The following TRMT2A variants were observed in gnomAD, a reference collection of about 807,000 sequenced individuals.
The protein encoded by TRMT2A is tRNA methyltransferase 2A.
Under a neutral mutation model 59.3 loss-of-function variants are expected in TRMT2A, and 60 were observed. That is an observed-to-expected ratio of 1.01 (90% CI 0.82 to 1.26). TRMT2A has a LOEUF of 1.26. Among genes scored for constraint, TRMT2A ranks in the 50% most tolerant of loss-of-function variants. The probability of loss-of-function intolerance (pLI) is 0.00; values close to 1 mark genes in which losing one functional copy is unlikely to be tolerated. For synonymous variants in TRMT2A, 403 were observed against 353.7 expected, an observed-to-expected ratio of 1.14 and a Z score of -1.56; for missense variants, 863 against 845.2, an observed-to-expected ratio of 1.02 and a Z score of -0.26.
intron 2 of TRMT2A, 124 bp from the exon 3 acceptor site, chr22:20,115,904 G>T: frequency 7.3e-7 from 1 of 1,373,806 alleles, no homozygotes; most frequent in Non-Finnish European, 9.9e-7. Context: ...CTGTGACGTG[G>T]GTGTCTTGCT....
At chr22:20,113,399 ATCCCC>A in intron 9 of TRMT2A, 28 bp downstream of exon 9, 5 of 713,626 alleles carry the variant, frequency 7.0e-6, no homozygotes, top group Non-Finnish European at 1.2e-5. Context: ...GGCTGCCCCC[ATCCCC>A]ACCCCCACCC....
chr22:20,113,314 G>C (rs1274488793), intron 9 of TRMT2A, 80 bp from the exon 10 acceptor site: 2 of 1,511,442 alleles, frequency 1.3e-6, no homozygotes, highest in Non-Finnish European at 1.8e-6. Context: ...CCTAGCCAAA[G>C]AGCTTGCTCA....
At chr22:20,113,556 G>A (rs755112536) in intron 8 of TRMT2A, 49 bp from the exon 9 acceptor site, 1 of 1,611,306 alleles carries the variant, frequency 6.2e-7, no homozygotes, top group East Asian at 2.2e-5. Context: ...GGGAGTACAT[G>A]GGGCCCTGTG....
rs994952178 is a variant in TRMT2A, at chr22:20,115,567, A to G, written c.708+105T>C. On this transcript the variant is annotated intron_variant, in intron 3 of 11. Coordinates refer to ENST00000252136, the MANE Select transcript of TRMT2A (RefSeq NM_022727.6). ...GAACAGCTGACAACTATGTGATGTT[A>G]CCAGAAGAAAACACAAAGCAGGGAG... 5 of 1,563,024 alleles carry G rather than the reference A, an allele frequency of 3.2e-6. No individual in the cohort carries two copies. The Admixed American group carries it at 6.7e-5, about 21-fold the overall frequency.
chr22:20,116,397 C>A lies in TRMT2A; in HGVS notation c.240G>T (p.Val80=). 1 of 1,611,818 alleles carries A rather than the reference C, an allele frequency of 6.2e-7. No homozygotes were observed. Among genetic ancestry groups the A allele is most frequent in the Non-Finnish European group, 8.5e-7 (1 of 1,179,006 alleles). ...SEIFKLELQN[V]PRHASFSDVR... ...CGTCGCTGAAGCTGGCGTGGCGAGG[C>A]ACGTTCTGCAGCTCCAGTTTAAAGA... is the stretch of plus-strand genomic sequence containing the variant. The change falls in exon 2 of 12, where the codon GTG becomes GTT. Residue 80 remains valine (V), a synonymous_variant. Transcript: ENST00000252136.
In TRMT2A at chr22:20,116,091, C is replaced by T. The variant is rs200554525; in HGVS notation, c.546G>A (p.Glu182=). ...ACTCCAGCTGCTTCCGCTCAAGCTG[C>T]TCAGCATAGGGCACTGTCCATAGAG... ...VTPLWTVPYA[E]QLERKQLECE... is the part of the protein sequence containing the mutation. Residue 182 remains glutamate (E), a synonymous_variant, in exon 2 of 12, where the codon GAG becomes GAA. Coordinates refer to ENST00000252136, the MANE Select transcript of TRMT2A (RefSeq NM_022727.6). The T allele has an allele frequency of 6.3e-6, 10 of 1,593,860 alleles. No homozygotes were observed. In the African/African-American group the frequency reaches 1.1e-4, roughly 17 times the overall value.
Sources: allele counts gnomAD v4.1 joint callset, GRCh38; gene constraint gnomAD v4.1.1; transcripts MANE v1.5; gene names NCBI Gene and HGNC (gene_info 2026-07-23, HGNC 2026-07-21).